Variants in CLDN16 observed in about 807,000 individuals in gnomAD.
The protein encoded by CLDN16 is claudin 16.
In CLDN16, 13 loss-of-function variants were observed where a neutral mutation model predicts 24.6. The ratio of observed to expected loss-of-function variants is 0.53; its 90% CI spans 0.34 to 0.84. The LOEUF (loss-of-function observed/expected upper bound fraction) is 0.84, where lower values mean the gene tolerates loss of function less well. CLDN16 is among the 40% of genes least tolerant of loss of function. The pLI, the probability that CLDN16 is intolerant of heterozygous loss-of-function variation, is 0.01. For missense variants in CLDN16, 298 were observed against 292.7 expected, an observed-to-expected ratio of 1.02 and a Z score of -0.13; for synonymous variants, 116 against 106.7, an observed-to-expected ratio of 1.09 and a Z score of -0.54.
upstream of CLDN16, chr3:190,387,983 C>T: frequency 2.6e-6 from 2 of 782,880 alleles, no homozygotes; most frequent in East Asian, 2.7e-5. Flanking sequence ...CGTCTTGGCA[C>T]TGGCACTTGG....
chr3:190,387,885 G>C (rs1349849178), upstream of CLDN16: 25 of 568,878 alleles, frequency 4.4e-5, no homozygotes, highest in Non-Finnish European at 7.3e-5. Context: ...CTTCCGAGTG[G>C]GGAGGAGAAT....
At chr3:190,350,409 A>G (rs1376394462) in intron 1 of CLDN16, among the ~76,000 whole-genome samples, 3 of 150,490 alleles carry the variant, frequency 2.0e-5, no homozygotes, top group South Asian at 2.1e-4. Context: ...TATCATATTA[A>G]AGATATTAAA....
upstream of CLDN16, chr3:190,322,516 C>T (rs974100013): frequency 4.5e-4 from 170 of 381,842 alleles, no homozygotes; most frequent in Non-Finnish European, 5.3e-5. Context: ...GGGAGCGCCC[C>T]CTGGCGGTTT....
chr3:190,329,005 C>T lies in CLDN16; in HGVS notation n.121+6344C>T, dbSNP rs893249612. On this transcript the variant is annotated intron_variant and non_coding_transcript_variant, in intron 1 of 4. Transcript: ENST00000468220. ...CAACATATGCATAGGTAGTGCACAA[C>T]GTAAATAGTTTAACTTACAGGATTT... 4.6e-5 allele frequency among the ~76,000 whole-genome samples: 7 copies of T among 152,068 alleles called. No individual in the cohort carries two copies. In the East Asian group the frequency reaches 5.8e-4, roughly 13 times the overall value.
chr3:190,344,134 AT>A (rs1430314654), intron 1 of CLDN16, among the ~76,000 whole-genome samples: 1 of 152,098 alleles, frequency 6.6e-6, no homozygotes, highest in African/African-American at 2.4e-5. Context: ...AATATAAAAA[AT>A]AATTTTGAAA....
intron 1 of CLDN16, among the ~76,000 whole-genome samples, chr3:190,348,118 G>T (rs987709623): frequency 7.3e-5 from 11 of 150,598 alleles, no homozygotes; most frequent in South Asian, 6.3e-4. Context: ...TAGCTGGCAC[G>T]GTGGCACTTG....
chr3:190,331,521 A>G (rs1352314764), intron 1 of CLDN16, among the ~76,000 whole-genome samples: 1 of 152,192 alleles, frequency 6.6e-6, no homozygotes, highest in Non-Finnish European at 1.5e-5. Flanking sequence ...ATTAATGAAA[A>G]TTAAAAATTC....
intron 1 of CLDN16, among the ~76,000 whole-genome samples, chr3:190,327,972 A>G (rs1234289477): frequency 1.3e-5 from 2 of 152,202 alleles, no homozygotes; most frequent in African/African-American, 4.8e-5. Context: ...AGAAATAAGT[A>G]GCAATGCGAT....
At position 190,377,829 on chromosome 3, in the gene CLDN16, G is replaced by A. The variant is rs117827063; in HGVS notation, n.306+3226G>A. On this transcript the variant is annotated intron_variant and non_coding_transcript_variant, in intron 3 of 4. Coordinates refer to the CLDN16 transcript ENST00000468220. ...AGAAGGTTTGAGTCTTAGGTTTCTC[G>A]TTAACAGCTGTCATCCTGGGAAAAT... Among the ~76,000 whole-genome samples the A allele has an allele frequency of 9.9e-3, 1,496 of 151,678 alleles. 35 individuals are homozygous for A. The highest frequency in any genetic ancestry group is 0.077 in the East Asian group (397 of 5,136).
chr3:190,368,298 A>G (rs904571936), intron 1 of CLDN16, among the ~76,000 whole-genome samples: 6 of 151,944 alleles, frequency 3.9e-5, no homozygotes, highest in Non-Finnish European at 5.9e-5. Flanking sequence ...GGATCTGATG[A>G]TCAGACAATA....
intron 1 of CLDN16, among the ~76,000 whole-genome samples, chr3:190,363,345 A>G (rs1342978163): frequency 6.6e-6 from 1 of 151,292 alleles, no homozygotes; most frequent in African/African-American, 2.4e-5. Context: ...TTTTTCATTC[A>G]TTCAATCTGT....
chr3:190,341,683 C>G (rs1336358744), intron 1 of CLDN16, among the ~76,000 whole-genome samples: 2 of 152,166 alleles, frequency 1.3e-5, no homozygotes, highest in Admixed American at 1.3e-4. Flanking sequence ...ATTTCTATAG[C>G]CGGCTTGGAT....
chr3:190,310,238 A>G, the CLDN16 span: 4 of 1,613,756 alleles, frequency 2.5e-6, no homozygotes, highest in African/African-American at 2.7e-5. Context: ...TGCTGTGGCA[A>G]CTAAAATAGC....
intron 1 of CLDN16, among the ~76,000 whole-genome samples, chr3:190,396,061 A>G (rs1391242255): frequency 6.6e-6 from 1 of 152,186 alleles, no homozygotes; most frequent in South Asian, 2.1e-4. Context: ...GTTGCTGCTT[A>G]TATTTCAAGA....
intron 4 of CLDN16, 137 bp from the exon 5 acceptor site, chr3:190,409,766 C>A: frequency 1.3e-6 from 1 of 793,006 alleles, no homozygotes; most frequent in South Asian, 1.7e-5. Context: ...TTCTAGGATT[C>A]TTCTTAGAGT....
the CLDN16 span, chr3:190,308,199 A>AG: frequency 3.3e-5 from 50 of 1,535,672 alleles, no homozygotes; most frequent in Non-Finnish European, 3.7e-5. Context: ...CAAAATTCTA[A>AG]GGTCCTAATG....
upstream of CLDN16, among the ~76,000 whole-genome samples, chr3:190,321,380 G>A (rs1157540581): frequency 6.6e-6 from 1 of 152,148 alleles, no homozygotes; most frequent in Non-Finnish European, 1.5e-5. Context: ...CTTCTCCAAA[G>A]AGTCTTGCAA....
At chr3:190,301,553 A>T in the CLDN16 span, among the ~76,000 whole-genome samples, 1 of 152,072 alleles carries the variant, frequency 6.6e-6, no homozygotes, top group Non-Finnish European at 1.5e-5. Context: ...CCAAAATGAA[A>T]TTTCTGACTT....
chr3:190,400,474 G>A (rs796312489), intron 1 of CLDN16, among the ~76,000 whole-genome samples: 7 of 151,922 alleles, frequency 4.6e-5, no homozygotes, highest in African/African-American at 1.7e-4. Context: ...CTCTTGATCC[G>A]TCCGCCTCAG....
Sources: allele counts gnomAD v4.1 joint callset (sites outside exome capture counted in the v4.1 genomes callset), GRCh38; gene constraint gnomAD v4.1.1; transcripts MANE v1.5; gene names NCBI Gene and HGNC (gene_info 2026-07-23, HGNC 2026-07-21).